Variants in LCORL observed in about 807,000 individuals in gnomAD.
The protein encoded by LCORL is ligand dependent nuclear receptor corepressor like, also known as ligand-dependent nuclear receptor corepressor-like protein.
LCORL carries 41 observed loss-of-function variants against 141.8 expected under a neutral mutation model. The ratio of observed to expected loss-of-function variants is 0.29; its 90% CI spans 0.23 to 0.38. The LOEUF (loss-of-function observed/expected upper bound fraction) is 0.38. Among genes scored for constraint, LCORL ranks in the 10% least tolerant of loss-of-function variants. The pLI is 1.00. For synonymous variants in LCORL, 618 were observed against 694.1 expected (o/e 0.89, Z 1.72); for missense variants, 1,759 against 2,035.0 (o/e 0.86, Z 2.61).
At chr4:17,993,607 C>T (rs1182272825) in intron 1 of LCORL, among the ~76,000 whole-genome samples, 2 of 152,080 alleles carry the variant, frequency 1.3e-5, no homozygotes, top group African/African-American at 2.4e-5. Context: ...AAGATGTGTG[C>T]AACACAGATC....
chr4:17,959,844 C>CA (rs1287493694), intron 4 of LCORL, among the ~76,000 whole-genome samples: 1 of 152,044 alleles, frequency 6.6e-6, no homozygotes, highest in African/African-American at 2.4e-5. Flanking sequence ...GATGTTTTAA[C>CA]AACACGTCAT....
intron 1 of LCORL, among the ~76,000 whole-genome samples, chr4:17,997,064 T>A (rs1469725706): frequency 6.6e-6 from 1 of 152,166 alleles, no homozygotes; most frequent in East Asian, 1.9e-4. Context: ...ATCTGAAATG[T>A]CTTTTTCCCC....
chr4:17,872,813 GT>G (rs1177833296), intron 7 of LCORL, among the ~76,000 whole-genome samples: 3 of 152,040 alleles, frequency 2.0e-5, no homozygotes, highest in Non-Finnish European at 4.4e-5. Context: ...AAAAAATATT[GT>G]TGCTCTACCA....
At chr4:17,841,922 T>C (rs1259302530) in exon 8 of LCORL, 1 of 162,068 alleles carries the variant, frequency 6.2e-6, no homozygotes, top group African/African-American at 2.4e-5. Context: ...TTTATGCACC[T>C]AACCTACCTT....
intron 7 of LCORL, among the ~76,000 whole-genome samples, chr4:17,847,829 G>A (rs1254186445): frequency 6.6e-6 from 1 of 152,130 alleles, no homozygotes; most frequent in African/African-American, 2.4e-5. Context: ...GCAAAAGTTT[G>A]ATGTACACCT....
intron 1 of LCORL, among the ~76,000 whole-genome samples, chr4:17,995,216 T>C (rs1217260080): frequency 6.6e-6 from 1 of 152,074 alleles, no homozygotes; most frequent in Non-Finnish European, 1.5e-5. Flanking sequence ...TTTTTTTTTT[T>C]TTTTTACTAT....
At chr4:17,940,651 G>A (rs1221770341) in intron 4 of LCORL, among the ~76,000 whole-genome samples, 2 of 151,454 alleles carry the variant, frequency 1.3e-5, no homozygotes, top group South Asian at 2.1e-4. Context: ...TTCTATTATC[G>A]GAACAGGTAC....
At chr4:17,927,733 T>C (rs1295393268) in intron 4 of LCORL, among the ~76,000 whole-genome samples, 1 of 151,676 alleles carries the variant, frequency 6.6e-6, no homozygotes, top group Admixed American at 6.6e-5. Context: ...CATATGGGAG[T>C]GGTTCGTGGT....
At chr4:17,901,205 C>T (rs1041837646) in intron 5 of LCORL, among the ~76,000 whole-genome samples, 5 of 151,674 alleles carry the variant, frequency 3.3e-5, no homozygotes, top group African/African-American at 1.2e-4. Flanking sequence ...CCAAGACAAC[C>T]TGCAGAATAC....
At chr4:17,848,628 T>A (rs537796246) in intron 7 of LCORL, among the ~76,000 whole-genome samples, 2 of 152,356 alleles carry the variant, frequency 1.3e-5, no homozygotes, top group Admixed American at 1.3e-4. Flanking sequence ...TTTCTGCATT[T>A]CCATCTGAGG....
chr4:17,999,447 G>A (rs1290037047), intron 1 of LCORL, among the ~76,000 whole-genome samples: 8 of 149,066 alleles, frequency 5.4e-5, no homozygotes, highest in Non-Finnish European at 8.9e-5. Flanking sequence ...GCAAGACTCC[G>A]TCTCACAAAA....
At chr4:17,971,663 A>G (rs951946667) in intron 2 of LCORL, among the ~76,000 whole-genome samples, 1 of 151,690 alleles carries the variant, frequency 6.6e-6, no homozygotes, top group African/African-American at 2.4e-5. Context: ...TCAAAATTGC[A>G]TTAATACACA....
chr4:17,908,600 G>A (rs1732024582), intron 5 of LCORL, among the ~76,000 whole-genome samples: 1 of 151,964 alleles, frequency 6.6e-6, no homozygotes, highest in Non-Finnish European at 1.5e-5. Flanking sequence ...TCATCATTCA[G>A]GTTCCTTATG....
At chr4:17,898,336 C>T (rs1254020433) in intron 5 of LCORL, among the ~76,000 whole-genome samples, 1 of 152,048 alleles carries the variant, frequency 6.6e-6, no homozygotes, top group Non-Finnish European at 1.5e-5. Context: ...TTTGACCCAG[C>T]CAGGTTTATT....
intron 1 of LCORL, among the ~76,000 whole-genome samples, chr4:18,018,908 T>A (rs1047488058): frequency 2.0e-5 from 3 of 152,240 alleles, no homozygotes; most frequent in Non-Finnish European, 2.9e-5. Context: ...TATTCACACA[T>A]GTATACACAT....
At chr4:17,873,483 C>G (rs202053691) in exon 7 of LCORL, 368 of 1,231,798 alleles carry the variant, frequency 3.0e-4, no homozygotes, top group Non-Finnish European at 3.5e-4. Context: ...CCATGGTGGT[C>G]TTTTTCTTTT....
At chr4:17,916,446 A>C (rs749526466) in intron 4 of LCORL, among the ~76,000 whole-genome samples, 1 of 152,086 alleles carries the variant, frequency 6.6e-6, no homozygotes, top group Non-Finnish European at 1.5e-5. Flanking sequence ...CCCTCAGTCC[A>C]CGTGAGATCT....
chr4:17,904,740 T>C (rs892183276), intron 5 of LCORL, among the ~76,000 whole-genome samples: 1 of 152,290 alleles, frequency 6.6e-6, no homozygotes, highest in African/African-American at 2.4e-5. Flanking sequence ...TCTGTCCTAC[T>C]TATTTTTATC....
At chr4:17,951,143 A>G (rs1464662967) in intron 4 of LCORL, among the ~76,000 whole-genome samples, 1 of 152,160 alleles carries the variant, frequency 6.6e-6, no homozygotes, top group African/African-American at 2.4e-5. Context: ...TTTAACCACT[A>G]TATTTCACTC....
Sources: gnomAD v4.1 joint callset for allele counts (sites outside exome capture counted in the v4.1 genomes callset) on GRCh38, gnomAD v4.1.1 for gene constraint, MANE v1.5 for transcripts, NCBI Gene and HGNC (gene_info 2026-07-23, HGNC 2026-07-21) for gene names.